The following ERICH1 variants were observed in gnomAD, a reference collection of about 807,000 sequenced individuals.
ERICH1 encodes glutamate rich 1.
In ERICH1, 56 loss-of-function variants were observed where a neutral mutation model predicts 39.6. The observed-to-expected ratio is 1.41, with a 90% CI of 1.14 to 1.77. ERICH1 has a LOEUF of 1.77. Ranked by LOEUF, ERICH1 falls within the 40% of genes most tolerant of loss-of-function variation. The pLI is 0.00. For synonymous variants in ERICH1, 313 were observed against 223.6 expected, an observed-to-expected ratio of 1.40 and a Z score of -3.57; for missense variants, 826 against 575.4, an observed-to-expected ratio of 1.44 and a Z score of -4.45.
At chr8:685,655 T>C (rs938403992) in intron 3 of ERICH1, among the ~76,000 whole-genome samples, 5 of 152,216 alleles carry the variant, frequency 3.3e-5, no homozygotes, top group African/African-American at 1.2e-4. Flanking sequence ...CTTCACAATT[T>C]ATGTTCTCTG....
At chr8:666,450 C>G (rs2131796693) in intron 5 of ERICH1, 1 of 152,350 alleles carries the variant, frequency 6.6e-6, no homozygotes, top group African/African-American at 2.4e-5. Flanking sequence ...CCACCAGAAA[C>G]AGATGCCCGC....
At chr8:702,685 C>T (rs1812424595) in intron 2 of ERICH1, among the ~76,000 whole-genome samples, 2 of 152,236 alleles carry the variant, frequency 1.3e-5, no homozygotes, top group African/African-American at 2.4e-5. Context: ...AGGCGAAGGT[C>T]GCAGCTCGGC....
At chr8:644,222 C>G (rs1269412038) in intron 3 of ERICH1, among the ~76,000 whole-genome samples, 1 of 152,212 alleles carries the variant, frequency 6.6e-6, no homozygotes, top group African/African-American at 2.4e-5. Context: ...CTCCTGGCCC[C>G]GTCCTAAGGC....
chr8:724,899 C>G (rs932429238), intron 1 of ERICH1, among the ~76,000 whole-genome samples: 1 of 152,196 alleles, frequency 6.6e-6, no homozygotes, highest in African/African-American at 2.4e-5. Context: ...CCGCCTGGCC[C>G]GGACCACGAG....
intron 3 of ERICH1, among the ~76,000 whole-genome samples, chr8:644,111 C>T (rs1585020994): frequency 6.6e-6 from 1 of 152,288 alleles, no homozygotes; most frequent in Admixed American, 6.5e-5. Flanking sequence ...TAAGTCTTGG[C>T]CGCATGGGGC....
chr8:683,813 T>G (rs1422889731), intron 3 of ERICH1, among the ~76,000 whole-genome samples: 1 of 152,268 alleles, frequency 6.6e-6, no homozygotes, highest in African/African-American at 2.4e-5. Flanking sequence ...GATCTGCCGC[T>G]AAGCTAAACG....
At chr8:667,938 C>G (rs1167192547) in intron 5 of ERICH1, 2 of 153,834 alleles carry the variant, frequency 1.3e-5, no homozygotes, top group Non-Finnish European at 2.9e-5. Flanking sequence ...ATAGGTGCCA[C>G]TGACGGGTGC....
chr8:664,391 T>A lies in ERICH1; in HGVS notation c.*212A>T, dbSNP rs553664466. On this transcript the variant is annotated 3_prime_UTR_variant, in exon 6 of 6. Transcript: ENST00000262109. ...GTTTTATGTAGTAATTCAAGATATA[T>A]ATAATTGCAAATAAGTGAAAAATTT... 2.5e-6 allele frequency: 3 copies of A among 1,222,000 alleles called. No homozygotes were observed. The highest frequency in any genetic ancestry group is 1.5e-5 in the African/African-American group (1 of 65,014). The allele number at this position is 1,222,000 out of a possible 1,614,324, so 75.7% of individuals were successfully genotyped here.
chr8:636,285 T>G (rs888923408), intron 3 of ERICH1, among the ~76,000 whole-genome samples: 2 of 152,200 alleles, frequency 1.3e-5, no homozygotes, highest in East Asian at 3.9e-4. Flanking sequence ...CCACGTGGGG[T>G]TGCACGTCAA....
rs201410858 is a variant in ERICH1 at position 693,845 on chromosome 8, C to T, written c.170-1233G>A. Among the ~76,000 whole-genome samples the T allele has an allele frequency of 4.1e-4, 62 of 152,204 alleles. 3 individuals carry two copies. Among genetic ancestry groups the T allele is most frequent in the Admixed American group, 3.5e-3 (53 of 15,276 alleles). ...CCCCTGCTGCACGCCCCTCTGCGCA[C>T]GTGGCTGTTTGGTTCCTGCACAGGG... On this transcript the variant is annotated intron_variant, in intron 2 of 5. Coordinates refer to ENST00000262109, the MANE Select transcript of ERICH1 (RefSeq NM_207332.3).
chr8:717,726 A>C (rs1215405881), intron 1 of ERICH1, among the ~76,000 whole-genome samples: 1 of 152,258 alleles, frequency 6.6e-6, no homozygotes, highest in African/African-American at 2.4e-5. Context: ...TGGGGCAGCC[A>C]ACGCGGACAT....
intron 3 of ERICH1, among the ~76,000 whole-genome samples, chr8:678,166 AC>A (rs1805291438): frequency 6.6e-6 from 1 of 151,834 alleles, no homozygotes; most frequent in Non-Finnish European, 1.5e-5. Flanking sequence ...AAAAAAAGAG[AC>A]TGGACATCCT....
At chr8:687,967 G>T (rs541104360) in intron 3 of ERICH1, among the ~76,000 whole-genome samples, 1 of 148,154 alleles carries the variant, frequency 6.7e-6, no homozygotes, top group Non-Finnish European at 1.5e-5. Context: ...GCGGCGAGAA[G>T]GCGCCGAGAG....
chr8:629,783 C>A (rs566419605), intron 3 of ERICH1, among the ~76,000 whole-genome samples: 1 of 139,842 alleles, frequency 7.2e-6, no homozygotes, highest in African/African-American at 2.9e-5. Context: ...AGCACCCACA[C>A]GGACAGAGCT....
chr8:687,813 C>CG (rs1266234890), intron 3 of ERICH1, among the ~76,000 whole-genome samples: 2 of 152,122 alleles, frequency 1.3e-5, no homozygotes, highest in African/African-American at 4.8e-5. Context: ...ACGGAGGAAT[C>CG]GGGGGCGAGG....
intron 1 of ERICH1, among the ~76,000 whole-genome samples, chr8:717,729 G>A (rs573308346): frequency 2.6e-5 from 4 of 152,246 alleles, no homozygotes; most frequent in South Asian, 4.1e-4. Flanking sequence ...GGCAGCCAAC[G>A]CGGACATGTG....
chr8:684,100 C>G (rs1806767740), intron 3 of ERICH1, among the ~76,000 whole-genome samples: 1 of 152,166 alleles, frequency 6.6e-6, no homozygotes, highest in African/African-American at 2.4e-5. Context: ...AAAAACAATT[C>G]ACATTTAGTC....
chr8:719,819 C>T (rs973783039), intron 1 of ERICH1, among the ~76,000 whole-genome samples: 1 of 152,194 alleles, frequency 6.6e-6, no homozygotes, highest in Non-Finnish European at 1.5e-5. Context: ...AGGACCATCA[C>T]CCTGTACTGT....
Position 674,014 on chromosome 8 carries a change from C to A in ERICH1, c.338G>T (p.Arg113Ile), listed in dbSNP as rs781772461. The A allele has an allele frequency of 2.4e-5, 38 of 1,570,762 alleles. No homozygotes were observed. Among genetic ancestry groups the A allele is most frequent in the Non-Finnish European group, 3.2e-5 (38 of 1,170,804 alleles). ...QDPHDQPKRRRIRKHKSKKKF... is the reference protein window; with the variant it reads ...QDPHDQPKRRIIRKHKSKKKF... ...TTTCTTTGATTTATGCTTCCTAATT[C>A]TTCTTCTCTTTGGCTGGTCATGAGG... The change falls in exon 4 of 6, where the codon AGA becomes ATA. Residue 113 changes from arginine (R) to isoleucine (I), a missense_variant. Coordinates refer to ENST00000262109, the MANE Select transcript of ERICH1 (RefSeq NM_207332.3).
Sources: gnomAD v4.1 joint callset for allele counts (sites outside exome capture counted in the v4.1 genomes callset) on GRCh38, gnomAD v4.1.1 for gene constraint, MANE v1.5 for transcripts, NCBI Gene and HGNC (gene_info 2026-07-23, HGNC 2026-07-21) for gene names.